Variants in IRAK2 observed in about 807,000 individuals in gnomAD.
IRAK2 encodes interleukin 1 receptor associated kinase 2, also known as interleukin-1 receptor-associated kinase-like 2.
In IRAK2, 57 loss-of-function variants were observed where a neutral mutation model predicts 72.0. That is an observed-to-expected ratio of 0.79 (90% CI 0.64 to 0.99). The LOEUF (loss-of-function observed/expected upper bound fraction) is 0.99. Among genes scored for constraint, IRAK2 ranks in the 50% least tolerant of loss-of-function variants. The pLI is 0.00. For missense variants in IRAK2, 790 were observed against 794.4 expected (o/e 0.99, Z 0.07); for synonymous variants, 293 against 312.7 (o/e 0.94, Z 0.67).
chr3:10,243,256 A>T lies in IRAK2; in HGVS notation c.*1028A>T, dbSNP rs956079575. 1 of 152,490 alleles carries T rather than the reference A, an allele frequency of 6.6e-6. No individual in the cohort carries two copies. Among genetic ancestry groups the T allele is most frequent in the Non-Finnish European group, 1.5e-5 (1 of 68,066 alleles). 9.4% of individuals were successfully genotyped at this position (152,490 alleles called of 1,614,324 possible). On this transcript the variant is annotated 3_prime_UTR_variant, in exon 13 of 13. Coordinates refer to ENST00000256458, the MANE Select transcript of IRAK2 (RefSeq NM_001570.4). ...CACCATATTGGCCAGGCTGGTCTCGAACTACTGACCTCGTGATCTGCCCGC... is the reference window on the plus strand; with the variant it reads ...CACCATATTGGCCAGGCTGGTCTCGTACTACTGACCTCGTGATCTGCCCGC...
chr3:10,237,959 G>GTT (rs1355989857), intron 11 of IRAK2, among the ~76,000 whole-genome samples: 2 of 151,310 alleles, frequency 1.3e-5, no homozygotes, highest in African/African-American at 2.4e-5. Flanking sequence ...GTGTGTGTGT[G>GTT]TGTGTGTGAA....
intron 11 of IRAK2, among the ~76,000 whole-genome samples, chr3:10,237,397 G>C (rs550753870): frequency 1.9e-4 from 29 of 152,258 alleles, no homozygotes; most frequent in South Asian, 6.2e-4. Context: ...AGCAGGCCTG[G>C]GTTTGATGGT....
chr3:10,165,716 G>C (rs1216478848), intron 1 of IRAK2, among the ~76,000 whole-genome samples: 1 of 120,378 alleles, frequency 8.3e-6, no homozygotes, highest in Non-Finnish European at 1.6e-5. Context: ...GACTGGTCTT[G>C]AACTATTTTT....
At chr3:10,193,748 G>T (rs1019441911) in intron 2 of IRAK2, among the ~76,000 whole-genome samples, 1 of 152,222 alleles carries the variant, frequency 6.6e-6, no homozygotes, top group Admixed American at 6.5e-5. Flanking sequence ...CTATCCCTGG[G>T]GGTCCCAGCA....
chr3:10,238,699 A>T (rs1396191735), intron 11 of IRAK2, 49 bp from the exon 12 acceptor site: 7 of 1,568,470 alleles, frequency 4.5e-6, no homozygotes, highest in Non-Finnish European at 6.1e-6. Context: ...TAGCATTTCT[A>T]TTTCAGAGAG....
chr3:10,209,343 G>A (rs948473699), intron 3 of IRAK2, among the ~76,000 whole-genome samples: 6 of 152,264 alleles, frequency 3.9e-5, no homozygotes, highest in East Asian at 1.9e-4. Context: ...GTCTACCTCC[G>A]GTGTCTCCGT....
At chr3:10,204,664 G>C (rs1310781501) in intron 3 of IRAK2, among the ~76,000 whole-genome samples, 2 of 152,094 alleles carry the variant, frequency 1.3e-5, no homozygotes, top group Non-Finnish European at 2.9e-5. Flanking sequence ...CAGGAGAATT[G>C]CTTGAACCTG....
intron 1 of IRAK2, among the ~76,000 whole-genome samples, chr3:10,169,727 A>G (rs1696765694): frequency 6.6e-6 from 1 of 152,166 alleles, no homozygotes; most frequent in Non-Finnish European, 1.5e-5. Flanking sequence ...CACGTTTTAC[A>G]AACAATTTAT....
At chr3:10,221,727 A>G (rs550039369) in intron 8 of IRAK2, among the ~76,000 whole-genome samples, 297 of 152,102 alleles carry the variant, frequency 2.0e-3, no homozygotes, top group African/African-American at 6.9e-3. Context: ...AGGTCTTGCC[A>G]TGCTGCCCAT....
In IRAK2 at chr3:10,238,906, T is replaced by A. The variant is rs377474086; in HGVS notation, c.1632T>A (p.Ser544Arg). 15 of 1,614,052 alleles carry A rather than the reference T, an allele frequency of 9.3e-6. No individual in the cohort carries two copies. Among genetic ancestry groups the A allele is most frequent in the Non-Finnish European group, 1.3e-5 (15 of 1,179,980 alleles). Residue 544 changes from serine (S) to arginine (R), a missense_variant, in exon 12 of 13, where the codon AGT becomes AGA. Ser to Arg is a moderately radical substitution (Grantham distance 110, BLOSUM62 -1). Transcript: ENST00000256458. ...GCCTTGATGCCTCCTCCTCCATGAGTGTGGCACCCTGGGCAGGGGCTGCCA... is the reference window on the plus strand; with the variant it reads ...GCCTTGATGCCTCCTCCTCCATGAGAGTGGCACCCTGGGCAGGGGCTGCCA... ...NSSLDASSSMSVAPWAGAATP... is the reference protein window; with the variant it reads ...NSSLDASSSMRVAPWAGAATP...
chr3:10,209,884 G>C (rs962731340), intron 4 of IRAK2, among the ~76,000 whole-genome samples, 192 bp downstream of exon 4: 3 of 151,972 alleles, frequency 2.0e-5, no homozygotes, highest in African/African-American at 7.3e-5. Flanking sequence ...AGGGAGGGAG[G>C]GCACTTCAGT....
At chr3:10,177,052 C>T (rs1200987462) in intron 1 of IRAK2, among the ~76,000 whole-genome samples, 11 of 151,174 alleles carry the variant, frequency 7.3e-5, no homozygotes, top group African/African-American at 2.4e-4. Context: ...CCACCTGCCT[C>T]GGCCTCCCAA....
chr3:10,237,691 C>T (rs1409112145), intron 11 of IRAK2, among the ~76,000 whole-genome samples: 2 of 151,028 alleles, frequency 1.3e-5, no homozygotes, highest in Non-Finnish European at 1.5e-5. Context: ...CCTGTTGTCC[C>T]AGCTACTCAG....
intron 3 of IRAK2, among the ~76,000 whole-genome samples, chr3:10,206,521 G>A (rs1697436421): frequency 6.6e-6 from 1 of 152,220 alleles, no homozygotes; most frequent in South Asian, 2.1e-4. Flanking sequence ...TGTTTAGCCA[G>A]GCTGATTTTA....
Position 10,242,502 on chromosome 3 carries a change from C to G in IRAK2, c.*274C>G, listed in dbSNP as rs959897244. Reference sequence around the variant, plus strand: ...GAGACTGAAGCAGAAACCCTGCACACGGGCCCAGGATGTGGCTGATTTTGT... The same window carrying G: ...GAGACTGAAGCAGAAACCCTGCACAGGGGCCCAGGATGTGGCTGATTTTGT... On this transcript the variant is annotated 3_prime_UTR_variant, in exon 13 of 13. Coordinates refer to ENST00000256458, the MANE Select transcript of IRAK2 (RefSeq NM_001570.4). 1 of 221,540 alleles carries G rather than the reference C, an allele frequency of 4.5e-6. No individual in the cohort carries two copies. Among genetic ancestry groups the G allele is most frequent in the Non-Finnish European group, 8.9e-6 (1 of 112,808 alleles). 13.7% of individuals were successfully genotyped at this position (221,540 alleles called of 1,614,324 possible). A position where few individuals can be genotyped will look rare whatever the true frequency, so the allele number is the denominator to read the frequency against.
chr3:10,180,405 C>T (rs1696942671), intron 2 of IRAK2, among the ~76,000 whole-genome samples: 2 of 152,166 alleles, frequency 1.3e-5, no homozygotes, highest in Admixed American at 1.3e-4. Context: ...AGGCAGGATA[C>T]AGTGACCAGA....
At chr3:10,216,051 G>A (rs1045897038) in intron 6 of IRAK2, among the ~76,000 whole-genome samples, 2 of 152,224 alleles carry the variant, frequency 1.3e-5, no homozygotes, top group African/African-American at 2.4e-5. Flanking sequence ...AAGCAGAGGA[G>A]GGCGGAGAGA....
At chr3:10,182,070 C>T (rs778299582) in intron 2 of IRAK2, among the ~76,000 whole-genome samples, 21 of 150,472 alleles carry the variant, frequency 1.4e-4, no homozygotes, top group Non-Finnish European at 2.5e-4. Flanking sequence ...CAGGTTCAAG[C>T]GATTCTCTTC....
chr3:10,209,979 G>A (rs1697494174), intron 4 of IRAK2, among the ~76,000 whole-genome samples: 1 of 152,112 alleles, frequency 6.6e-6, no homozygotes, highest in Non-Finnish European at 1.5e-5. Context: ...GAGTGCAGTG[G>A]CACGATCTCG....
Sources: gnomAD v4.1 joint callset for allele counts (sites outside exome capture counted in the v4.1 genomes callset) on GRCh38, gnomAD v4.1.1 for gene constraint, MANE v1.5 for transcripts, NCBI Gene and HGNC (gene_info 2026-07-23, HGNC 2026-07-21) for gene names.